The following ADAMTSL3 variants were observed in gnomAD, a reference collection of about 807,000 sequenced individuals.
ADAMTSL3 encodes ADAMTS-like protein 3.
In ADAMTSL3, 128 loss-of-function variants were observed where a neutral mutation model predicts 201.7. The ratio of observed to expected loss-of-function variants is 0.63; its 90% CI spans 0.55 to 0.73. The LOEUF (loss-of-function observed/expected upper bound fraction) is 0.73, where lower values mean the gene tolerates loss of function less well. Among genes scored for constraint, ADAMTSL3 ranks in the 30% least tolerant of loss-of-function variants. ADAMTSL3 has a pLI of 0.00. For synonymous variants in ADAMTSL3, 738 were observed against 748.4 expected (o/e 0.99, Z 0.23); for missense variants, 1,990 against 2,119.6 (o/e 0.94, Z 1.20).
intron 20 of ADAMTSL3, among the ~76,000 whole-genome samples, chr15:83,972,076 C>T (rs1160373498): frequency 6.6e-6 from 1 of 151,928 alleles, no homozygotes; most frequent in Non-Finnish European, 1.5e-5. Flanking sequence ...TGCATTATCT[C>T]ATTTAGTCCC....
At chr15:83,667,329 A>G (rs1350746106) in intron 2 of ADAMTSL3, among the ~76,000 whole-genome samples, 3 of 152,144 alleles carry the variant, frequency 2.0e-5, no homozygotes, top group Non-Finnish European at 4.4e-5. Context: ...TGACTAGTCC[A>G]GGTCTTTAAG....
chr15:83,711,235 G>A (rs1002241066), intron 3 of ADAMTSL3, among the ~76,000 whole-genome samples: 5 of 152,186 alleles, frequency 3.3e-5, no homozygotes, highest in Admixed American at 1.3e-4. Flanking sequence ...ATCTTGGCCA[G>A]GAGTTTCAAT....
intron 17 of ADAMTSL3, among the ~76,000 whole-genome samples, chr15:83,933,241 G>A (rs1012770208): frequency 2.0e-5 from 3 of 152,080 alleles, no homozygotes; most frequent in Non-Finnish European, 2.9e-5. Flanking sequence ...TCCACAAAAG[G>A]TAGATACAGA....
At position 84,014,697 on chromosome 15, in the gene ADAMTSL3, G is replaced by A. The variant is rs140288161; in HGVS notation, c.4129G>A (p.Val1377Met). 2.8e-5 allele frequency: 45 copies of A among 1,611,088 alleles called. No homozygotes were observed. In the African/African-American group the frequency reaches 4.0e-4, roughly 14 times the overall value. Residue 1377 changes from valine to methionine, a missense_variant, in exon 24 of 30, where the codon GTG (valine) becomes ATG (methionine). Val to Met is a conservative substitution (Grantham distance 21). Coordinates refer to ENST00000286744, the MANE Select transcript of ADAMTSL3 (RefSeq NM_207517.3). The stretch of plus-strand genomic sequence containing the variant: ...AGCCACCAATGCTCTTGGAAAGGCA[G>A]TGGCAACATCTGTACTCCACTTGCT... ...CIATNALGKAVATSVLHLLER... is the reference protein window; with the variant it reads ...CIATNALGKAMATSVLHLLER...
At chr15:83,987,608 C>T (rs772585793) in intron 21 of ADAMTSL3, among the ~76,000 whole-genome samples, 4 of 152,140 alleles carry the variant, frequency 2.6e-5, no homozygotes, top group Non-Finnish European at 5.9e-5. Context: ...ATCCAGGACT[C>T]AGTGGGCGGG....
At chr15:83,972,893 A>G (rs1360605397) in intron 20 of ADAMTSL3, among the ~76,000 whole-genome samples, 5 of 152,088 alleles carry the variant, frequency 3.3e-5, no homozygotes, top group Non-Finnish European at 7.4e-5. Context: ...CCACCATATG[A>G]CAGAGCAAGA....
chr15:83,986,963 C>G (rs911685416), intron 21 of ADAMTSL3, among the ~76,000 whole-genome samples: 1 of 152,204 alleles, frequency 6.6e-6, no homozygotes, highest in African/African-American at 2.4e-5. Flanking sequence ...AGTGGCCCCA[C>G]CTGTCATGTA....
At chr15:83,730,993 G>T (rs543444636) in intron 3 of ADAMTSL3, among the ~76,000 whole-genome samples, 14 of 152,070 alleles carry the variant, frequency 9.2e-5, no homozygotes, top group African/African-American at 2.4e-4. Flanking sequence ...TTCAAATATG[G>T]CTTTTCAGTT....
intron 15 of ADAMTSL3, among the ~76,000 whole-genome samples, chr15:83,901,214 A>G (rs1255980007): frequency 6.6e-6 from 1 of 152,120 alleles, no homozygotes; most frequent in Non-Finnish European, 1.5e-5. Flanking sequence ...GTAAAAAGAG[A>G]AGAGTGTTGG....
At chr15:83,708,488 A>T (rs1452610452) in intron 3 of ADAMTSL3, among the ~76,000 whole-genome samples, 1 of 152,128 alleles carries the variant, frequency 6.6e-6, no homozygotes, top group Non-Finnish European at 1.5e-5. Flanking sequence ...CACATTATGG[A>T]TCATACGGAG....
intron 7 of ADAMTSL3, among the ~76,000 whole-genome samples, chr15:83,839,993 G>T (rs2064344247): frequency 6.6e-6 from 1 of 152,128 alleles, no homozygotes; most frequent in South Asian, 2.1e-4. Flanking sequence ...TCTGAAACAT[G>T]CTAGGTTATC....
At chr15:83,856,343 T>G (rs1185155186) in intron 7 of ADAMTSL3, among the ~76,000 whole-genome samples, 2 of 151,450 alleles carry the variant, frequency 1.3e-5, no homozygotes, top group South Asian at 4.2e-4. Flanking sequence ...TAAAAAAAAA[T>G]TATAAAATTT....
chr15:83,962,276 C>G (rs1300861429), intron 19 of ADAMTSL3: 2 of 152,122 alleles, frequency 1.3e-5, no homozygotes, highest in African/African-American at 2.4e-5. Flanking sequence ...CTTACCCAGT[C>G]TTGGGTATGT....
At chr15:83,927,752 G>A (rs1248283848) in intron 17 of ADAMTSL3, among the ~76,000 whole-genome samples, 3 of 152,108 alleles carry the variant, frequency 2.0e-5, no homozygotes, top group Non-Finnish European at 4.4e-5. Context: ...CTCATGAGAT[G>A]TCATCTAGTC....
chr15:83,824,386 C>T (rs894569920), intron 6 of ADAMTSL3, among the ~76,000 whole-genome samples: 2 of 151,990 alleles, frequency 1.3e-5, no homozygotes, highest in African/African-American at 4.8e-5. Context: ...TCCCATAGGA[C>T]CCCCCTGCTT....
chr15:83,860,969 A>G (rs1337906566), intron 8 of ADAMTSL3, among the ~76,000 whole-genome samples: 2 of 152,224 alleles, frequency 1.3e-5, no homozygotes, highest in African/African-American at 4.8e-5. Flanking sequence ...CTCCCACCCT[A>G]ATACTGTGCT....
At chr15:83,869,971 A>C (rs1360514349) in intron 8 of ADAMTSL3, among the ~76,000 whole-genome samples, 2 of 152,332 alleles carry the variant, frequency 1.3e-5, no homozygotes, top group Middle Eastern at 3.4e-3. Context: ...AACCAGATCT[A>C]CTAAGTGTGG....
intron 4 of ADAMTSL3, among the ~76,000 whole-genome samples, chr15:83,795,263 GCAACAA>G (rs58698546): frequency 0.15 from 22,973 of 150,880 alleles, 2,098 homozygotes; most frequent in African/African-American, 0.25. Flanking sequence ...AACAGCAGCA[GCAACAA>G]CAACAACAAC....
Position 83,890,162 on chromosome 15 carries a change from C to G in ADAMTSL3, c.1126C>G (p.Pro376Ala), listed in dbSNP as rs1364350906. Residue 376 changes from proline (P) to alanine (A), a missense_variant, in exon 11 of 30, where the codon CCT (proline) becomes GCT (alanine). Coordinates refer to ENST00000286744, the MANE Select transcript of ADAMTSL3 (RefSeq NM_207517.3). ...CVDIRLKRVV[P>A]DHYCHYYPEN... is the part of the protein sequence containing the mutation. ...GGATATCCGCTTGAAGAGGGTAGTT[C>G]CTGACCATTATTGTCACTACTACCC... The G allele has an allele frequency of 6.2e-7, 1 of 1,613,894 alleles. No homozygotes were observed. The highest frequency in any genetic ancestry group is 2.2e-5 in the East Asian group (1 of 44,868).
Sources: allele counts gnomAD v4.1 joint callset (sites outside exome capture counted in the v4.1 genomes callset), GRCh38; gene constraint gnomAD v4.1.1; transcripts MANE v1.5; gene names NCBI Gene and HGNC (gene_info 2026-07-23, HGNC 2026-07-21).